The following TGFA variants were observed in gnomAD, a reference collection of about 807,000 sequenced individuals.
TGFA encodes the protein transforming growth factor alpha, also known as protransforming growth factor alpha.
In TGFA, 12 loss-of-function variants were observed where a neutral mutation model predicts 21.7. The observed-to-expected ratio is 0.55, with a 90% CI of 0.35 to 0.90. TGFA has a LOEUF of 0.90. Ranked by LOEUF, TGFA falls within the 40% of genes least tolerant of loss-of-function variation. The probability of loss-of-function intolerance (pLI) is 0.01; values close to 1 mark genes in which losing one functional copy is unlikely to be tolerated. For missense variants in TGFA, 178 were observed against 210.8 expected (o/e 0.84, Z 0.96); for synonymous variants, 79 against 88.1 (o/e 0.90, Z 0.58).
chr2:70,454,565 C>G (rs1185371747), intron 4 of TGFA, among the ~76,000 whole-genome samples: 3 of 152,192 alleles, frequency 2.0e-5, no homozygotes, highest in African/African-American at 7.2e-5. Flanking sequence ...GTGGACTTGT[C>G]CTTGTCACTT....
At chr2:70,482,619 C>A (rs1671158066) in intron 2 of TGFA, among the ~76,000 whole-genome samples, 1 of 152,186 alleles carries the variant, frequency 6.6e-6, no homozygotes, top group Non-Finnish European at 1.5e-5. Flanking sequence ...CTGATTAAAT[C>A]ATTACTCTTA....
At chr2:70,478,846 C>G (rs1553494930) in intron 2 of TGFA, among the ~76,000 whole-genome samples, 2 of 151,618 alleles carry the variant, frequency 1.3e-5, no homozygotes, top group Non-Finnish European at 2.9e-5. Flanking sequence ...GACTTCTTTC[C>G]CCTTTTGTGG....
rs1670027711 is a variant in TGFA at position 70,450,725 on chromosome 2, G to A, written c.*134C>T. On this transcript the variant is annotated 3_prime_UTR_variant, in exon 6 of 6. Coordinates refer to ENST00000295400, the MANE Select transcript of TGFA (RefSeq NM_003236.4). ...GACAGAGTTTTGAAGGCCCACAAAA[G>A]GCTGCACAGGTGATTACAGGCCAAG... 9 of 968,306 alleles carry A rather than the reference G, an allele frequency of 9.3e-6. No individual in the cohort carries two copies. In the South Asian group the frequency reaches 1.0e-4, roughly 11 times the overall value. The allele number at this position is 968,306 out of a possible 1,614,324, so 60.0% of individuals were successfully genotyped here. A position where few individuals can be genotyped will look rare whatever the true frequency, so the allele number is the denominator to read the frequency against.
At chr2:70,488,604 T>C (rs1671335181) in intron 2 of TGFA, among the ~76,000 whole-genome samples, 1 of 152,152 alleles carries the variant, frequency 6.6e-6, no homozygotes, top group Non-Finnish European at 1.5e-5. Flanking sequence ...ATTTACAAAT[T>C]TGTCATCTTC....
chr2:70,488,501 T>C (rs1671332774), intron 2 of TGFA, among the ~76,000 whole-genome samples: 1 of 152,224 alleles, frequency 6.6e-6, no homozygotes, highest in African/African-American at 2.4e-5. Flanking sequence ...TCACTTTCAG[T>C]CTTTCTACTT....
chr2:70,478,648 T>C (rs1553494906), intron 2 of TGFA, among the ~76,000 whole-genome samples: 1 of 152,266 alleles, frequency 6.6e-6, no homozygotes, highest in African/African-American at 2.4e-5. Context: ...CAAGGGATTT[T>C]ATAATTTGTT....
At chr2:70,491,364 G>A (rs1211281067) in intron 2 of TGFA, among the ~76,000 whole-genome samples, 2 of 152,094 alleles carry the variant, frequency 1.3e-5, no homozygotes, top group Admixed American at 1.3e-4. Flanking sequence ...TAAAGTGTGG[G>A]GGGCCCAAAA....
chr2:70,527,588 C>T lies in TGFA; in HGVS notation c.41-12676G>A, dbSNP rs147240022. ...CTACAAGAGTGAGCCCTAATGTAAACGAGGGACTTTAGTTTATATCTAACT... is the reference window on the plus strand; with the variant it reads ...CTACAAGAGTGAGCCCTAATGTAAATGAGGGACTTTAGTTTATATCTAACT... On this transcript the variant is annotated intron_variant, in intron 1 of 5. Transcript: ENST00000295400. Among the ~76,000 whole-genome samples the T allele has an allele frequency of 2.6e-4, 39 of 152,230 alleles. No homozygotes were observed. The East Asian group carries it at 5.2e-3, about 20-fold the overall frequency.
At chr2:70,511,981 T>A (rs1672116483) in intron 2 of TGFA, among the ~76,000 whole-genome samples, 1 of 151,230 alleles carries the variant, frequency 6.6e-6, no homozygotes, top group African/African-American at 2.4e-5. Flanking sequence ...GGTCCCCAGT[T>A]TGAGCTGCGC....
intron 2 of TGFA, among the ~76,000 whole-genome samples, chr2:70,498,645 C>T (rs1399073238): frequency 6.6e-6 from 1 of 151,832 alleles, no homozygotes; most frequent in East Asian, 1.9e-4. Context: ...GATGCTGCCC[C>T]TCCTCTCCTG....
intron 1 of TGFA, among the ~76,000 whole-genome samples, chr2:70,541,278 AAT>A (rs1470573682): frequency 6.6e-6 from 1 of 152,268 alleles, no homozygotes; most frequent in East Asian, 1.9e-4. Flanking sequence ...ATTAAAAATT[AAT>A]AGTTTATAGA....
At chr2:70,503,383 A>G (rs1344680064) in intron 2 of TGFA, among the ~76,000 whole-genome samples, 3 of 137,266 alleles carry the variant, frequency 2.2e-5, no homozygotes, top group African/African-American at 8.0e-5. Flanking sequence ...ATGAGAACAC[A>G]TGGACACAGG....
chr2:70,486,504 G>T (rs571004817), intron 2 of TGFA, among the ~76,000 whole-genome samples: 3 of 152,066 alleles, frequency 2.0e-5, no homozygotes, highest in African/African-American at 4.8e-5. Context: ...TTGAGACAGG[G>T]TCTCACTTTG....
In TGFA at chr2:70,449,819, A is replaced by G. The variant is rs1193970873; in HGVS notation, c.*1040T>C. ...CTCGTGGCTAATGTTCTATTTCTAAACATACTTACCGAGGGCTCACGAGGA... is the reference window on the plus strand; with the variant it reads ...CTCGTGGCTAATGTTCTATTTCTAAGCATACTTACCGAGGGCTCACGAGGA... On this transcript the variant is annotated 3_prime_UTR_variant, in exon 6 of 6. Coordinates refer to ENST00000295400, the MANE Select transcript of TGFA (RefSeq NM_003236.4). The G allele has an allele frequency of 8.8e-5, 16 of 182,652 alleles. No homozygotes were observed. Among genetic ancestry groups the G allele is most frequent in the Non-Finnish European group, 1.9e-4 (16 of 85,584 alleles). 11.3% of individuals were successfully genotyped at this position (182,652 alleles called of 1,614,324 possible). A position where few individuals can be genotyped will look rare whatever the true frequency, so the allele number is the denominator to read the frequency against.
chr2:70,522,663 G>A (rs1435516258), intron 1 of TGFA, among the ~76,000 whole-genome samples: 3 of 152,092 alleles, frequency 2.0e-5, no homozygotes, highest in Non-Finnish European at 2.9e-5. Flanking sequence ...TTAAACTCCC[G>A]ACCTTAAGTG....
At position 70,449,637 on chromosome 2, in the gene TGFA, G is replaced by GA. The variant is rs71710818; in HGVS notation, c.*1221dup. 210 of 244,030 alleles carry GA rather than the reference G, an allele frequency of 8.6e-4. 1 individual carries two copies. Among genetic ancestry groups the GA allele is most frequent in the South Asian group, 2.1e-3 (49 of 23,758 alleles). 15.1% of individuals were successfully genotyped at this position (244,030 alleles called of 1,614,324 possible). A position where few individuals can be genotyped will look rare whatever the true frequency, so the allele number is the denominator to read the frequency against. On this transcript the variant is annotated 3_prime_UTR_variant, in exon 6 of 6. Coordinates refer to ENST00000295400, the MANE Select transcript of TGFA (RefSeq NM_003236.4). ...AGCCGGCATCCTGAATGGAAATGAG[G>GA]AAAAAAAAATTACTGGAATAGTTTT...
At chr2:70,468,821 T>C (rs1331243126) in intron 2 of TGFA, among the ~76,000 whole-genome samples, 6 of 152,196 alleles carry the variant, frequency 3.9e-5, no homozygotes, top group African/African-American at 1.4e-4. Context: ...TTCTACATTA[T>C]GGTGAGTTGT....
intron 2 of TGFA, among the ~76,000 whole-genome samples, chr2:70,501,756 TCAATTCTTA>T (rs1671745631): frequency 6.6e-6 from 1 of 152,222 alleles, no homozygotes; most frequent in South Asian, 2.1e-4. Flanking sequence ...TACTCTCACT[TCAATTCTTA>T]CAGCATTAGC....
chr2:70,481,817 C>G (rs1484110786), intron 2 of TGFA, among the ~76,000 whole-genome samples: 2 of 152,286 alleles, frequency 1.3e-5, no homozygotes, highest in South Asian at 4.1e-4. Flanking sequence ...ACTGAGGCCT[C>G]CCAACAATAG....
Sources: allele counts gnomAD v4.1 joint callset (sites outside exome capture counted in the v4.1 genomes callset), GRCh38; gene constraint gnomAD v4.1.1; transcripts MANE v1.5; gene names NCBI Gene and HGNC (gene_info 2026-07-23, HGNC 2026-07-21).